CHMP4B: variants seen among roughly 807,000 people sequenced by gnomAD.
CHMP4B encodes the protein charged multivesicular body protein 4B, also known as SNF7 homolog associated with Alix 1.
CHMP4B carries 1 observed loss-of-function variant against 25.1 expected under a neutral mutation model. The ratio of observed to expected loss-of-function variants is 0.04; its 90% CI spans 0.01 to 0.19. The LOEUF (loss-of-function observed/expected upper bound fraction) is 0.19. Among genes scored for constraint, CHMP4B ranks in the 10% least tolerant of loss-of-function variants. The pLI, the probability that CHMP4B is intolerant of heterozygous loss-of-function variation, is 1.00. For synonymous variants in CHMP4B, 101 were observed against 115.6 expected (o/e 0.87, Z 0.81); for missense variants, 151 against 289.7 (o/e 0.52, Z 3.48).
At chr20:33,839,808 C>T (rs1979485114) in intron 1 of CHMP4B, among the ~76,000 whole-genome samples, 1 of 152,158 alleles carries the variant, frequency 6.6e-6, no homozygotes, top group African/African-American at 2.4e-5. Context: ...GGCTTTGATC[C>T]CAGGCCTGCC....
intron 1 of CHMP4B, among the ~76,000 whole-genome samples, chr20:33,831,049 T>G (rs1979233954): frequency 6.7e-6 from 1 of 149,400 alleles, no homozygotes; most frequent in African/African-American, 2.5e-5. Context: ...CAAGGGATCC[T>G]CCCACCTCAG....
chr20:33,852,187 C>A lies in CHMP4B; in HGVS notation c.594C>A (p.Ala198=). The change falls in exon 4 of 5, where the codon GCC becomes GCA. Residue 198 remains alanine (A), a synonymous_variant. Coordinates refer to ENST00000217402, the MANE Select transcript of CHMP4B (RefSeq NM_176812.5). The part of the protein sequence containing the change: ...TVPLPNVPSI[A]LPSKPAKKKE... ...CTCTACCAAATGTTCCCTCTATAGCCCTACCATCAAAACCCGGTGAGTGCT... is the reference window on the plus strand; with the variant it reads ...CTCTACCAAATGTTCCCTCTATAGCACTACCATCAAAACCCGGTGAGTGCT... 1 of 1,614,118 alleles carries A rather than the reference C, an allele frequency of 6.2e-7. No individual in the cohort carries two copies. Among genetic ancestry groups the A allele is most frequent in the Non-Finnish European group, 8.5e-7 (1 of 1,180,022 alleles).
At chr20:33,823,622 C>T (rs1979006148) in intron 1 of CHMP4B, among the ~76,000 whole-genome samples, 1 of 152,182 alleles carries the variant, frequency 6.6e-6, no homozygotes, top group Non-Finnish European at 1.5e-5. Flanking sequence ...ATTGCAACCT[C>T]CGCCTCCCAG....
At position 33,853,629 on chromosome 20, in the gene CHMP4B, G is replaced by A. The variant is rs1316897815; in HGVS notation, c.*69G>A. 7 of 1,399,000 alleles carry A rather than the reference G, an allele frequency of 5.0e-6. No homozygotes were observed. In the African/African-American group the frequency reaches 8.5e-5, roughly 17 times the overall value. The allele number at this position is 1,399,000 out of a possible 1,614,324, so 86.7% of individuals were successfully genotyped here. A position where few individuals can be genotyped will look rare whatever the true frequency, so the allele number is the denominator to read the frequency against. The stretch of plus-strand genomic sequence containing the variant: ...GCGCAGCGAGCAGGCGTGTGCGTGT[G>A]TGGGGCAGGCAGGATGTGGTGCAGG... On this transcript the variant is annotated 3_prime_UTR_variant, in exon 5 of 5. Transcript: ENST00000217402.
chr20:33,817,413 T>A (rs1283095241), intron 1 of CHMP4B, among the ~76,000 whole-genome samples: 5 of 152,236 alleles, frequency 3.3e-5, no homozygotes, highest in African/African-American at 1.2e-4. Context: ...ATAATGTGAT[T>A]TGTAACTCAA....
intron 1 of CHMP4B, among the ~76,000 whole-genome samples, chr20:33,825,749 T>C (rs1467570992): frequency 6.6e-6 from 1 of 152,188 alleles, no homozygotes; most frequent in Non-Finnish European, 1.5e-5. Flanking sequence ...GGCCTTGAAC[T>C]TGGGAATCTG....
At chr20:33,840,603 A>T in intron 1 of CHMP4B, among the ~76,000 whole-genome samples, 1 of 152,018 alleles carries the variant, frequency 6.6e-6, no homozygotes, top group East Asian at 1.9e-4. Flanking sequence ...TGAAGCTGGC[A>T]TTGGCCAAAT....
At chr20:33,830,933 G>GTTTTTTTTTTTTTTTGT (rs1979224289) in intron 1 of CHMP4B, among the ~76,000 whole-genome samples, 1 of 102,524 alleles carries the variant, frequency 9.8e-6, no homozygotes, top group Non-Finnish European at 1.9e-5. Flanking sequence ...AAGGAACAGA[G>GTTTTTTTTTTTTTTTGT]TTTTTTTTTT....
chr20:33,844,604 G>A (rs1019230321), intron 1 of CHMP4B, among the ~76,000 whole-genome samples: 12 of 152,122 alleles, frequency 7.9e-5, no homozygotes, highest in Non-Finnish European at 1.2e-4. Context: ...TGGAGAAAAA[G>A]CAGTTCTAAA....
chr20:33,845,160 A>G (rs1979653526), intron 1 of CHMP4B, among the ~76,000 whole-genome samples: 2 of 152,228 alleles, frequency 1.3e-5, no homozygotes, highest in South Asian at 4.1e-4. Flanking sequence ...TCCCCTCCTC[A>G]CTTGGCAGAA....
intron 1 of CHMP4B, among the ~76,000 whole-genome samples, chr20:33,829,686 C>T (rs1266685268): frequency 6.6e-6 from 1 of 152,176 alleles, no homozygotes; most frequent in African/African-American, 2.4e-5. Flanking sequence ...TATGCACGTA[C>T]AGCTCTGTAG....
At chr20:33,828,622 C>T (rs1162076248) in intron 1 of CHMP4B, among the ~76,000 whole-genome samples, 1 of 152,190 alleles carries the variant, frequency 6.6e-6, no homozygotes, top group African/African-American at 2.4e-5. Flanking sequence ...TTCCCTGCAT[C>T]AGGGTTTCCT....
chr20:33,844,731 G>A (rs907603085), intron 1 of CHMP4B, among the ~76,000 whole-genome samples: 1 of 151,860 alleles, frequency 6.6e-6, no homozygotes, highest in Non-Finnish European at 1.5e-5. Context: ...ATGCTGAAAA[G>A]CAAGGCAGCT....
Position 33,843,540 on chromosome 20 carries a change from C to T in CHMP4B, c.191-4927C>T, listed in dbSNP as rs369247618. 3.3e-5 allele frequency among the ~76,000 whole-genome samples: 5 copies of T among 152,152 alleles called. No homozygotes were observed. In the South Asian group the frequency reaches 8.3e-4, roughly 25 times the overall value. On this transcript the variant is annotated intron_variant, in intron 1 of 4. Transcript: ENST00000217402. The stretch of plus-strand genomic sequence containing the variant: ...ACTCGGTACTTGTTTTTTAATCTAA[C>T]CATCAGGAATCTGGAAAAGTTAAGG...
intron 1 of CHMP4B, among the ~76,000 whole-genome samples, chr20:33,828,383 C>G (rs1056459666): frequency 6.6e-6 from 1 of 152,198 alleles, no homozygotes; most frequent in Non-Finnish European, 1.5e-5. Context: ...ATGTGGCCAA[C>G]CCTGCCAGAA....
At chr20:33,814,314 CTG>C (rs2122779195) in intron 1 of CHMP4B, among the ~76,000 whole-genome samples, 1 of 152,296 alleles carries the variant, frequency 6.6e-6, no homozygotes, top group South Asian at 2.1e-4. Context: ...TGAAAATACA[CTG>C]TGTCAGCCCT....
In CHMP4B at chr20:33,813,847, G is replaced by A. The variant is rs552732243; in HGVS notation, c.190+2189G>A. On this transcript the variant is annotated intron_variant, in intron 1 of 4. Transcript: ENST00000217402. ...TTCTGGGTTCAAATGATTCTCCTGC[G>A]TCAGCCTCCTGAGTAGCTGGGATTA... Among the ~76,000 whole-genome samples the A allele has an allele frequency of 3.9e-5, 6 of 152,128 alleles. No individual in the cohort carries two copies. In the South Asian group the frequency reaches 6.2e-4, roughly 16 times the overall value.
intron 1 of CHMP4B, among the ~76,000 whole-genome samples, chr20:33,821,182 T>A (rs771484797): frequency 3.0e-4 from 46 of 151,726 alleles, no homozygotes; most frequent in Non-Finnish European, 4.9e-4. Context: ...AGGTCAGGAG[T>A]TCGAGACTAG....
intron 1 of CHMP4B, among the ~76,000 whole-genome samples, chr20:33,830,640 G>T (rs745559630): frequency 6.6e-6 from 1 of 152,092 alleles, no homozygotes; most frequent in Non-Finnish European, 1.5e-5. Context: ...TAATAGTCCT[G>T]TCAGATTAGG....
Sources: gnomAD v4.1 joint callset for allele counts (sites outside exome capture counted in the v4.1 genomes callset) on GRCh38, gnomAD v4.1.1 for gene constraint, MANE v1.5 for transcripts, NCBI Gene and HGNC (gene_info 2026-07-23, HGNC 2026-07-21) for gene names.